The following CHD6 variants were observed in gnomAD, a reference collection of about 807,000 sequenced individuals.
The protein encoded by CHD6 is ATP-dependent chromatin remodeler CHD6.
CHD6 carries 50 observed loss-of-function variants against 276.9 expected under a neutral mutation model. The observed-to-expected ratio is 0.18, with a 90% CI of 0.14 to 0.23. CHD6 has a LOEUF of 0.23. Ranked by LOEUF, CHD6 falls within the 10% of genes least tolerant of loss-of-function variation. CHD6 has a pLI of 1.00. For synonymous variants in CHD6, 1,173 were observed against 1,229.3 expected, an observed-to-expected ratio of 0.95 and a Z score of 0.96; for missense variants, 2,564 against 3,365.8, an observed-to-expected ratio of 0.76 and a Z score of 5.89.
intron 5 of CHD6, among the ~76,000 whole-genome samples, chr20:41,501,766 T>C (rs1052286020): frequency 1.3e-5 from 2 of 152,312 alleles, no homozygotes; most frequent in African/African-American, 2.4e-5. Flanking sequence ...TCAGTGATTG[T>C]AAAAATTTTG....
intron 25 of CHD6, among the ~76,000 whole-genome samples, chr20:41,444,478 C>G (rs2048002786): frequency 6.6e-6 from 1 of 152,168 alleles, no homozygotes; most frequent in African/African-American, 2.4e-5. Flanking sequence ...TTAGCCTAAC[C>G]CCGGCGGTTT....
chr20:41,441,969 CAACTG>C (rs1202962996), intron 25 of CHD6, among the ~76,000 whole-genome samples: 1 of 152,212 alleles, frequency 6.6e-6, no homozygotes, highest in Non-Finnish European at 1.5e-5. Context: ...TCACTCAACT[CAACTG>C]AGCTGTCAAG....
rs181782679 is a variant in CHD6 at position 41,438,186 on chromosome 20, T to C, written c.4008-852A>G. ...TGCTGCCACTGGTTAACAAGGACAT[T>C]TTCCCCTTGTTACCATCAGACCCTT... On this transcript the variant is annotated intron_variant, in intron 26 of 36. Coordinates refer to ENST00000373233, the MANE Select transcript of CHD6 (RefSeq NM_032221.5). 2.5e-3 allele frequency among the ~76,000 whole-genome samples: 379 copies of C among 152,278 alleles called. 4 individuals carry two copies. The highest frequency in any genetic ancestry group is 1.9e-3 in the South Asian group (9 of 4,822).
At chr20:41,406,998 A>C (rs1569038587) in intron 36 of CHD6, among the ~76,000 whole-genome samples, 1 of 151,492 alleles carries the variant, frequency 6.6e-6, no homozygotes, top group Non-Finnish European at 1.5e-5. Context: ...TGATTACAGC[A>C]ATGGTGAAGC....
intron 22 of CHD6, 34 bp downstream of exon 22, chr20:41,451,792 C>A (rs778841661): frequency 1.9e-6 from 3 of 1,590,444 alleles, no homozygotes; most frequent in South Asian, 2.2e-5. Context: ...GCATGGGAAT[C>A]GTGCTTCTTA....
chr20:41,617,896 C>G (rs1405190174), intron 1 of CHD6, among the ~76,000 whole-genome samples: 2 of 148,432 alleles, frequency 1.3e-5, no homozygotes, highest in African/African-American at 2.4e-5. Flanking sequence ...TAGCGGTCAC[C>G]CCCGCCCCGC....
chr20:41,453,030 G>A, intron 20 of CHD6, 88 bp from the exon 21 acceptor site: 1 of 1,065,794 alleles, frequency 9.4e-7, no homozygotes, highest in Admixed American at 1.9e-5. Context: ...ACACATTTGG[G>A]ATAGAACCAT....
chr20:41,546,611 T>C (rs939364111), intron 2 of CHD6, among the ~76,000 whole-genome samples: 7 of 152,308 alleles, frequency 4.6e-5, no homozygotes, highest in Admixed American at 2.0e-4. Flanking sequence ...GTTGCTAACA[T>C]TAGGATGTGC....
At position 41,513,015 on chromosome 20, in the gene CHD6, G is replaced by A. The variant is rs147253722; in HGVS notation, c.703-20C>T. The A allele has an allele frequency of 6.8e-5, 109 of 1,613,634 alleles. No individual in the cohort carries two copies. Among genetic ancestry groups the A allele is most frequent in the Admixed American group, 2.5e-4 (15 of 60,014 alleles). ...TCGTTTCTGTAGGGCAAACACACCC[G>A]TCAGAGAAGCTCTCTGAGTGAAAGA... is the stretch of plus-strand genomic sequence containing the variant. On this transcript the variant is annotated intron_variant, in intron 4 of 36. Coordinates refer to ENST00000373233, the MANE Select transcript of CHD6 (RefSeq NM_032221.5).
In CHD6 at chr20:41,417,146, C is replaced by G; in HGVS notation, c.6279+52G>C. ...TCTAAAAGGGTTAAAAAAAGCAATT[C>G]AAAGCTGGGAATGGTTTGGGGGTAG... is the stretch of plus-strand genomic sequence containing the variant. On this transcript the variant is annotated intron_variant, in intron 32 of 36. Coordinates refer to ENST00000373233, the MANE Select transcript of CHD6 (RefSeq NM_032221.5). The G allele has an allele frequency of 3.9e-6, 6 of 1,535,590 alleles. No individual in the cohort carries two copies. In the South Asian group the frequency reaches 7.4e-5, roughly 19 times the overall value.
intron 19 of CHD6, among the ~76,000 whole-genome samples, chr20:41,454,962 T>A (rs2048339699): frequency 6.6e-6 from 1 of 152,224 alleles, no homozygotes; most frequent in Non-Finnish European, 1.5e-5. Flanking sequence ...GGGATCATTT[T>A]TTTTTGGAGC....
chr20:41,589,756 A>G (rs376401661), intron 1 of CHD6, among the ~76,000 whole-genome samples: 5 of 152,222 alleles, frequency 3.3e-5, no homozygotes, highest in African/African-American at 4.8e-5. Flanking sequence ...ATGCTCATGG[A>G]TAGGAAGAAT....
Position 41,471,824 on chromosome 20 carries a change from C to T in CHD6, c.2664+1498G>A, listed in dbSNP as rs549453553. 9.4e-4 allele frequency among the ~76,000 whole-genome samples: 143 copies of T among 152,180 alleles called. 1 individual carries two copies. Among genetic ancestry groups the T allele is most frequent in the Middle Eastern group, 3.4e-3 (1 of 294 alleles). ...TGCTGGGATTACAGGCATAAGCCAC[C>T]GTGCCCGGCCATTATTTTCAGAGTT... is the stretch of plus-strand genomic sequence containing the variant. On this transcript the variant is annotated intron_variant, in intron 17 of 36. Coordinates refer to ENST00000373233, the MANE Select transcript of CHD6 (RefSeq NM_032221.5).
intron 17 of CHD6, 84 bp from the exon 18 acceptor site, chr20:41,457,512 C>T (rs2048413319): frequency 4.8e-6 from 7 of 1,473,194 alleles, no homozygotes; most frequent in Non-Finnish European, 6.4e-6. Flanking sequence ...GCTTAAATGT[C>T]ATGTGGTGTG....
At chr20:41,580,645 CAA>C (rs373733112) in intron 1 of CHD6, among the ~76,000 whole-genome samples, 9 of 69,270 alleles carry the variant, frequency 1.3e-4, no homozygotes, top group Admixed American at 1.6e-4. Flanking sequence ...AACCCAGTCT[CAA>C]AAAAAAAAAA....
intron 29 of CHD6, among the ~76,000 whole-genome samples, chr20:41,424,934 G>A (rs1052223520): frequency 2.6e-5 from 4 of 152,326 alleles, no homozygotes; most frequent in African/African-American, 4.8e-5. Context: ...TTTAACTTAG[G>A]AAGAGTGTCA....
chr20:41,402,664 A>C lies in CHD6; in HGVS notation c.*1929T>G, dbSNP rs1376463295. Reference sequence around the variant, plus strand: ...ATTTTTTTTTCTACTTGATAAAAAGAAAATTAGTACTTAAAAGGTTCAAAA... The same window carrying C: ...ATTTTTTTTTCTACTTGATAAAAAGCAAATTAGTACTTAAAAGGTTCAAAA... On this transcript the variant is annotated 3_prime_UTR_variant, in exon 37 of 37. Transcript: ENST00000373233. The C allele has an allele frequency of 4.6e-6, 1 of 218,176 alleles. No individual in the cohort carries two copies. The highest frequency in any genetic ancestry group is 6.8e-5 in the East Asian group (1 of 14,644). 13.5% of individuals were successfully genotyped at this position (218,176 alleles called of 1,614,324 possible).
chr20:41,576,049 T>C (rs553134906), intron 1 of CHD6, among the ~76,000 whole-genome samples: 1 of 152,268 alleles, frequency 6.6e-6, no homozygotes, highest in Admixed American at 6.5e-5. Flanking sequence ...TCTTTTAATA[T>C]AGAGGAAAAA....
At chr20:41,544,837 T>C (rs1314406429) in intron 2 of CHD6, among the ~76,000 whole-genome samples, 2 of 151,864 alleles carry the variant, frequency 1.3e-5, no homozygotes, top group Non-Finnish European at 2.9e-5. Flanking sequence ...TACTATGTAA[T>C]ATTTTAGTTA....
Sources: gnomAD v4.1 joint callset for allele counts (sites outside exome capture counted in the v4.1 genomes callset) on GRCh38, gnomAD v4.1.1 for gene constraint, MANE v1.5 for transcripts, NCBI Gene and HGNC (gene_info 2026-07-23, HGNC 2026-07-21) for gene names.